Variants in TUT4 observed in about 807,000 individuals in gnomAD.
The protein encoded by TUT4 is terminal uridylyltransferase 4.
In TUT4, 36 loss-of-function variants were observed where a neutral mutation model predicts 192.2. The ratio of observed to expected loss-of-function variants is 0.19; its 90% CI spans 0.14 to 0.25. TUT4 has a LOEUF of 0.25. Ranked by LOEUF, TUT4 falls within the 10% of genes least tolerant of loss-of-function variation. The pLI, the probability that TUT4 is intolerant of heterozygous loss-of-function variation, is 1.00. For synonymous variants in TUT4, 618 were observed against 666.0 expected, an observed-to-expected ratio of 0.93 and a Z score of 1.11; for missense variants, 1,493 against 1,957.2, an observed-to-expected ratio of 0.76 and a Z score of 4.47.
intron 27 of TUT4, chr1:52,434,191 T>G (rs1653014214): frequency 6.6e-6 from 1 of 152,112 alleles, no homozygotes; most frequent in African/African-American, 2.4e-5. Flanking sequence ...GGGTGGAAAA[T>G]TTCCTAAATG....
At chr1:52,490,327 T>A (rs1262222780) in intron 8 of TUT4, among the ~76,000 whole-genome samples, 2 of 152,014 alleles carry the variant, frequency 1.3e-5, no homozygotes, top group Non-Finnish European at 1.5e-5. Context: ...CTGATTTTTT[T>A]ATTTTTTTTG....
At chr1:52,484,234 A>C (rs529203726) in intron 9 of TUT4, among the ~76,000 whole-genome samples, 73 of 152,290 alleles carry the variant, frequency 4.8e-4, no homozygotes, top group African/African-American at 1.4e-3. Flanking sequence ...TAAAATGTTA[A>C]ATTTTAAAAA....
chr1:52,480,426 G>A (rs1256177622), intron 11 of TUT4, among the ~76,000 whole-genome samples: 1 of 152,220 alleles, frequency 6.6e-6, no homozygotes, highest in African/African-American at 2.4e-5. Context: ...TGACATTGAT[G>A]ATACAAGTTT....
Position 52,423,648 on chromosome 1 carries a change from G to T in TUT4, c.*287C>A. ...AAAACATAAAATTCCCTTAAAAATAGGGTAATAAAATAGATGAAATTTGTA... is the reference window on the plus strand; with the variant it reads ...AAAACATAAAATTCCCTTAAAAATATGGTAATAAAATAGATGAAATTTGTA... On this transcript the variant is annotated 3_prime_UTR_variant, in exon 30 of 30. Transcript: ENST00000257177. 2 of 470,842 alleles carry T rather than the reference G, an allele frequency of 4.2e-6. No homozygotes were observed. The highest frequency in any genetic ancestry group is 7.3e-6 in the Non-Finnish European group (2 of 273,788). The allele number at this position is 470,842 out of a possible 1,614,324, so 29.2% of individuals were successfully genotyped here.
intron 11 of TUT4, 33 bp from the exon 12 acceptor site, chr1:52,477,915 T>C: frequency 6.5e-7 from 1 of 1,528,216 alleles, no homozygotes; most frequent in Non-Finnish European, 8.8e-7. Flanking sequence ...CATTTAAGCT[T>C]AACAAAACCA....
intron 3 of TUT4, among the ~76,000 whole-genome samples, chr1:52,510,317 C>CAAAAAAAAAAAAAAA (rs200690805): frequency 1.3e-5 from 1 of 78,628 alleles, no homozygotes; most frequent in Non-Finnish European, 2.6e-5. Flanking sequence ...TTCGTATTAA[C>CAAAAAAAAAAAAAAA]AAAAAAAAAA....
chr1:52,523,875 AT>A (rs1177795071), intron 2 of TUT4, among the ~76,000 whole-genome samples: 1 of 152,226 alleles, frequency 6.6e-6, no homozygotes, highest in Non-Finnish European at 1.5e-5. Context: ...CTATTTCAGA[AT>A]TCTTTACCAG....
intron 3 of TUT4, among the ~76,000 whole-genome samples, chr1:52,513,936 A>G (rs1677980576): frequency 6.6e-6 from 1 of 152,234 alleles, no homozygotes; most frequent in Non-Finnish European, 1.5e-5. Flanking sequence ...TAACACAAGT[A>G]AAGTTTTTGG....
Position 52,463,576 on chromosome 1 carries a change from A to C in TUT4, c.3069+1494T>G, listed in dbSNP as rs1038992180. On this transcript the variant is annotated intron_variant, in intron 16 of 29. Transcript: ENST00000257177. ...ATACTGACACCACTACAGATGCCAGAAGCTGGGCCTCACCCCAATCTTGCA... is the reference window on the plus strand; with the variant it reads ...ATACTGACACCACTACAGATGCCAGCAGCTGGGCCTCACCCCAATCTTGCA... The C allele has an allele frequency of 3.2e-6, 4 of 1,251,924 alleles. No homozygotes were observed. In the Admixed American group the frequency reaches 1.1e-4, roughly 34 times the overall value. 77.6% of individuals were successfully genotyped at this position (1,251,924 alleles called of 1,614,324 possible).
chr1:52,503,978 A>G (rs146469021), intron 4 of TUT4, among the ~76,000 whole-genome samples: 191 of 152,340 alleles, frequency 1.3e-3, no homozygotes, highest in African/African-American at 4.3e-3. Context: ...AACTGCTAAT[A>G]TAAGTTCCAG....
chr1:52,474,385 T>C (rs1262668498), intron 13 of TUT4, among the ~76,000 whole-genome samples: 4 of 152,240 alleles, frequency 2.6e-5, no homozygotes, highest in African/African-American at 9.6e-5. Context: ...ACCTTTAGTA[T>C]GCTTATATTT....
At chr1:52,443,104 C>T (rs1004909262) in intron 24 of TUT4, among the ~76,000 whole-genome samples, 24 of 150,420 alleles carry the variant, frequency 1.6e-4, no homozygotes, top group African/African-American at 5.1e-4. Flanking sequence ...ACCAACATGG[C>T]GAAACCCCGT....
intron 16 of TUT4, chr1:52,463,643 T>TG: frequency 7.7e-7 from 1 of 1,302,886 alleles, no homozygotes; most frequent in South Asian, 1.2e-5. Context: ...ATAGCTAGGC[T>TG]GGTAAAGGAC....
At position 52,526,029 on chromosome 1, in the gene TUT4, T is replaced by G. The variant is rs1681663428; in HGVS notation, c.252A>C (p.Lys84Asn). ...KVNAANLPGP[K>N]DLGLVLRDQS... ...GATCTCGAAGGACTAACCCCAAATC[T>G]TTAGGACCTGGAAGGTTGGCAGCAT... Residue 84 changes from lysine (K) to asparagine (N), a missense_variant, in exon 2 of 30, where the codon AAA (lysine) becomes AAC (asparagine). Physicochemically the swap from Lys to Asn is moderately conservative, Grantham distance 94 (BLOSUM62 0). This residue lies in a region of TUT4 where 260 missense variants were observed against 247.8 expected (regional missense o/e 1.05). Coordinates refer to ENST00000257177, the MANE Select transcript of TUT4 (RefSeq NM_001009881.3). The G allele has an allele frequency of 6.2e-7, 1 of 1,613,168 alleles. No homozygotes were observed. The highest frequency in any genetic ancestry group is 1.3e-5 in the African/African-American group (1 of 74,890).
chr1:52,493,944 T>C (rs2149117359), intron 6 of TUT4, among the ~76,000 whole-genome samples: 1 of 151,392 alleles, frequency 6.6e-6, no homozygotes, highest in African/African-American at 2.4e-5. Context: ...TGTAAGTGTG[T>C]GCCACCACAT....
intron 20 of TUT4, among the ~76,000 whole-genome samples, chr1:52,451,137 G>A (rs919412576): frequency 6.6e-6 from 1 of 151,916 alleles, no homozygotes; most frequent in African/African-American, 2.4e-5. Flanking sequence ...ATGGTGGTGG[G>A]CGCCTTTAGT....
Position 52,472,108 on chromosome 1 carries a change from C to A in TUT4, c.2728-6G>T, listed in dbSNP as rs1184315534. On this transcript the variant is annotated splice_region_variant and splice_polypyrimidine_tract_variant and intron_variant, in intron 13 of 29. Coordinates refer to ENST00000257177, the MANE Select transcript of TUT4 (RefSeq NM_001009881.3). ...CTGCATACTATCGTTGGTGGCTACA[C>A]AAAGATAAAAAGAAATCTAATCTAA... is the stretch of plus-strand genomic sequence containing the variant. 6.2e-7 allele frequency: 1 copy of A among 1,610,780 alleles called. No homozygotes were observed. The highest frequency in any genetic ancestry group is 8.5e-7 in the Non-Finnish European group (1 of 1,178,808).
chr1:52,552,002 A>T (rs1689574645), intron 1 of TUT4, among the ~76,000 whole-genome samples: 1 of 152,234 alleles, frequency 6.6e-6, no homozygotes, highest in Admixed American at 6.5e-5. Flanking sequence ...GACACAATTT[A>T]AGATCACGAT....
chr1:52,479,587 A>G (rs1667960725), intron 11 of TUT4, among the ~76,000 whole-genome samples: 1 of 152,226 alleles, frequency 6.6e-6, no homozygotes, highest in Non-Finnish European at 1.5e-5. Flanking sequence ...ACATCCTTTC[A>G]GTTAATTGAG....
Sources: gnomAD v4.1 joint callset for allele counts (sites outside exome capture counted in the v4.1 genomes callset) on GRCh38, gnomAD v4.1.1 for gene constraint, gnomAD v4.1.1 regional missense constraint, MANE v1.5 for transcripts, NCBI Gene and HGNC (gene_info 2026-07-23, HGNC 2026-07-21) for gene names.